Variants in FSIP2 observed in about 807,000 individuals in gnomAD.
FSIP2 encodes fibrous sheath interacting protein 2.
A neutral mutation model predicts 510.5 loss-of-function variants in FSIP2; 367 were observed. The ratio of observed to expected loss-of-function variants is 0.72; its 90% CI spans 0.66 to 0.78. The LOEUF is 0.78. Ranked by LOEUF, FSIP2 falls within the 30% of genes least tolerant of loss-of-function variation. The pLI is 0.00. For synonymous variants in FSIP2, 2,601 were observed against 2,732.2 expected (o/e 0.95, Z 1.50); for missense variants, 7,594 against 7,901.7 (o/e 0.96, Z 1.48).
intron 9 of FSIP2, among the ~76,000 whole-genome samples, chr2:185,759,587 AATT>A (rs1222888692): frequency 1.9e-5 from 2 of 106,314 alleles, no homozygotes; most frequent in South Asian, 3.5e-4. Context: ...TTTATGATAT[AATT>A]ATGATTACTA....
chr2:185,802,394 T>C lies in FSIP2; in HGVS notation c.13088T>C (p.Phe4363Ser), dbSNP rs7605884. Reference protein sequence around the residue: ...ILYDDKEQAFFSFNTDIVDEL... With the variant: ...ILYDDKEQAFSSFNTDIVDEL... ...TATGATGACAAAGAACAGGCTTTCT[T>C]TTCTTTCAATACAGATATTGTGGAT... The change falls in exon 17 of 23, where the codon TTT becomes TCT. Residue 4363 changes from phenylalanine to serine, a missense_variant. Coordinates refer to ENST00000424728, the MANE Select transcript of FSIP2 (RefSeq NM_173651.4). 0.54 allele frequency: 830,967 copies of C among 1,531,538 alleles called. 226,962 individuals carry two copies. Among genetic ancestry groups the C allele is most frequent in the South Asian group, 0.64 (53,542 of 83,668 alleles). 94.9% of individuals were successfully genotyped at this position (1,531,538 alleles called of 1,614,324 possible).
chr2:185,788,766 C>A lies in FSIP2; in HGVS notation c.1630C>A (p.Pro544Thr). ...AAAAAGATTGCAAAATAATACATAC[C>A]CAGTATCTGATGACTCCATCCTCTC... ...YEKRLQNNTY[P>T]VSDDSILSSD... is the part of the protein sequence containing the mutation. The change falls in exon 16 of 23, where the codon CCA becomes ACA. Residue 544 changes from proline (P) to threonine (T), a missense_variant. By Grantham distance (38) the Pro-to-Thr change is conservative. Transcript: ENST00000424728. The A allele has an allele frequency of 1.3e-6, 2 of 1,534,236 alleles. No homozygotes were observed. Among genetic ancestry groups the A allele is most frequent in the Non-Finnish European group, 1.7e-6 (2 of 1,145,620 alleles).
Position 185,802,901 on chromosome 2 carries a change from A to G in FSIP2, c.13595A>G (p.Lys4532Arg), listed in dbSNP as rs1693473422. ...TTTTCAAAAGAGGAAGAAGAAACCA[A>G]GTTTATTTATTCAGAAGATGATATT... ...IRFSKEEEET[K>R]FIYSEDDIQH... Residue 4532 changes from lysine to arginine, a missense_variant, in exon 17 of 23, where the codon AAG (lysine) becomes AGG (arginine). Coordinates refer to ENST00000424728, the MANE Select transcript of FSIP2 (RefSeq NM_173651.4). The G allele has an allele frequency of 6.7e-7, 1 of 1,498,160 alleles. No homozygotes were observed. The highest frequency in any genetic ancestry group is 8.8e-7 in the Non-Finnish European group (1 of 1,132,466). The allele number at this position is 1,498,160 out of a possible 1,614,324, so 92.8% of individuals were successfully genotyped here.
rs1693776431 is a variant in FSIP2, at chr2:185,813,549, T to C, written c.19832T>C (p.Val6611Ala). The change falls in exon 18 of 23, where the codon GTT becomes GCT. Residue 6611 changes from valine to alanine, a missense_variant. Coordinates refer to ENST00000424728, the MANE Select transcript of FSIP2 (RefSeq NM_173651.4). ...GRLDVKPLEA[V>A]ARNSFQNIRK... ...TTGCTATACCTTTAATTTCAGGCCG[T>C]TGCTAGAAATTCATTTCAGAATATA... 4 of 1,519,108 alleles carry C rather than the reference T, an allele frequency of 2.6e-6. No individual in the cohort carries two copies. Among genetic ancestry groups the C allele is most frequent in the Non-Finnish European group, 3.5e-6 (4 of 1,135,564 alleles). 94.1% of individuals were successfully genotyped at this position (1,519,108 alleles called of 1,614,324 possible). A position where few individuals can be genotyped will look rare whatever the true frequency, so the allele number is the denominator to read the frequency against.
Position 185,805,713 on chromosome 2 carries a change from G to T in FSIP2, c.16407G>T (p.Met5469Ile), listed in dbSNP as rs769494599. The stretch of plus-strand genomic sequence containing the variant: ...CTTTGGAAATAAATAGAGGTACAAT[G>T]AATAGAAAGAAAAGTTTTAAAACCA... ...MSTLEINRGT[M>I]NRKKSFKTKD... The change falls in exon 17 of 23, where the codon ATG becomes ATT. Residue 5469 changes from methionine (M) to isoleucine (I), a missense_variant. Transcript: ENST00000424728. 26 of 1,607,434 alleles carry T rather than the reference G, an allele frequency of 1.6e-5. No individual in the cohort carries two copies. The highest frequency in any genetic ancestry group is 1.7e-4 in the Middle Eastern group (1 of 6,032).
chr2:185,808,169 T>C lies in FSIP2; in HGVS notation c.18863T>C (p.Leu6288Ser), dbSNP rs1420674717. The C allele has an allele frequency of 1.9e-6, 3 of 1,611,546 alleles. No individual in the cohort carries two copies. Among genetic ancestry groups the C allele is most frequent in the Non-Finnish European group, 2.5e-6 (3 of 1,178,950 alleles). ...GTCCTCTCTGATACAATAGGCTTTTTAATGGTGAATGCAATTTCGAATTCT... is the reference window on the plus strand; with the variant it reads ...GTCCTCTCTGATACAATAGGCTTTTCAATGGTGAATGCAATTTCGAATTCT... ...SNVLSDTIGFLMVNAISNSEF... is the reference protein window; with the variant it reads ...SNVLSDTIGFSMVNAISNSEF... Residue 6288 changes from leucine (L) to serine (S), a missense_variant, in exon 17 of 23, where the codon TTA becomes TCA. Transcript: ENST00000424728.
At chr2:185,782,658 GC>G in intron 13 of FSIP2, 46 bp from the exon 14 acceptor site, 1 of 1,114,810 alleles carries the variant, frequency 9.0e-7, no homozygotes, top group South Asian at 1.3e-5. Flanking sequence ...TTAGCAAGTT[GC>G]TGAGGATGGA....
At chr2:185,785,617 T>C (rs1215118219) in intron 14 of FSIP2, among the ~76,000 whole-genome samples, 1 of 152,078 alleles carries the variant, frequency 6.6e-6, no homozygotes, top group African/African-American at 2.4e-5. Context: ...TTTTTTGCAA[T>C]TTAGAAAACT....
At chr2:185,829,844 C>A (rs188456399) in intron 21 of FSIP2, among the ~76,000 whole-genome samples, 13 of 151,942 alleles carry the variant, frequency 8.6e-5, no homozygotes, top group Admixed American at 7.2e-4. Flanking sequence ...AGCCATAGAA[C>A]TAGAAAAGGG....
chr2:185,745,001 G>A (rs568877482), intron 4 of FSIP2: 1 of 154,132 alleles, frequency 6.5e-6, no homozygotes, highest in Admixed American at 6.5e-5. Context: ...GTGTGTGTTT[G>A]TGTGAATTCA....
At chr2:185,768,864 T>C (rs960014461) in intron 13 of FSIP2, among the ~76,000 whole-genome samples, 4 of 152,176 alleles carry the variant, frequency 2.6e-5, no homozygotes, top group African/African-American at 9.7e-5. Context: ...CTCCCACTTA[T>C]AAGTGAGAAC....
chr2:185,828,299 A>G (rs533854345), intron 21 of FSIP2, 100 bp downstream of exon 21: 2 of 705,502 alleles, frequency 2.8e-6, no homozygotes, highest in South Asian at 3.5e-5. Context: ...TATGATTTGA[A>G]GGATATCAGA....
upstream of FSIP2, among the ~76,000 whole-genome samples, chr2:185,737,611 A>G (rs1691810353): frequency 6.6e-6 from 1 of 152,184 alleles, no homozygotes; most frequent in Admixed American, 6.5e-5. Context: ...ATCTAGAAGC[A>G]TTCCTTAGTT....
At chr2:185,749,157 C>T (rs1349409349) in intron 7 of FSIP2, among the ~76,000 whole-genome samples, 2 of 151,870 alleles carry the variant, frequency 1.3e-5, no homozygotes, top group African/African-American at 2.4e-5. Flanking sequence ...TAAATTATAG[C>T]ATCAGCTTAT....
intron 15 of FSIP2, 148 bp from the exon 16 acceptor site, chr2:185,788,495 C>CTTA (rs1419464271): frequency 2.0e-6 from 1 of 512,034 alleles, no homozygotes; most frequent in Admixed American, 3.8e-5. Context: ...AATTTCTAAA[C>CTTA]TGATATTTCT....
Position 185,793,432 on chromosome 2 carries a change from G to T in FSIP2, c.6296G>T (p.Cys2099Phe). The change falls in exon 16 of 23, where the codon TGT becomes TTT. Residue 2099 changes from cysteine (C) to phenylalanine (F), a missense_variant. Transcript: ENST00000424728. ...CAAGATACCATTGAAGGTATCCTAT[G>T]TGATATTTATGAAAAAACCCTGTTT... ...QIQDTIEGIL[C>F]DIYEKTLFQN... 6.5e-7 allele frequency: 1 copy of T among 1,534,066 alleles called. No individual in the cohort carries two copies. Among genetic ancestry groups the T allele is most frequent in the Non-Finnish European group, 8.7e-7 (1 of 1,145,466 alleles).
At position 185,789,724 on chromosome 2, in the gene FSIP2, T is replaced by A; in HGVS notation, c.2588T>A (p.Met863Lys). Residue 863 changes from methionine to lysine, a missense_variant, in exon 16 of 23, where the codon ATG (methionine) becomes AAG (lysine). Transcript: ENST00000424728. ...CAACATAAGACAGACCCAATATGTA[T>A]GTTCCTTCAAAGAGCTGGCAAAAAT... ...CQQHKTDPIC[M>K]FLQRAGKNKS... 1 of 1,534,488 alleles carries A rather than the reference T, an allele frequency of 6.5e-7. No individual in the cohort carries two copies. Among genetic ancestry groups the A allele is most frequent in the Non-Finnish European group, 8.7e-7 (1 of 1,145,776 alleles).
At position 185,749,453 on chromosome 2, in the gene FSIP2, C is replaced by A. The variant is rs558584850; in HGVS notation, c.870+2030C>A. Among the ~76,000 whole-genome samples, 93 of 151,978 alleles carry A rather than the reference C, an allele frequency of 6.1e-4. 2 individuals are homozygous for A. In the South Asian group the frequency reaches 0.018, roughly 29 times the overall value. On this transcript the variant is annotated intron_variant, in intron 7 of 22. Coordinates refer to ENST00000424728, the MANE Select transcript of FSIP2 (RefSeq NM_173651.4). ...AATTTCAAACTTTGAATACTTAATGCTAGCATTTAGAAAAACATCTGATTT... is the reference window on the plus strand; with the variant it reads ...AATTTCAAACTTTGAATACTTAATGATAGCATTTAGAAAAACATCTGATTT...
intron 13 of FSIP2, among the ~76,000 whole-genome samples, chr2:185,774,464 C>T (rs1171620257): frequency 6.6e-6 from 1 of 151,818 alleles, no homozygotes; most frequent in Non-Finnish European, 1.5e-5. Flanking sequence ...TATTGTGATT[C>T]CTGTTTTCCA....
Sources: allele counts gnomAD v4.1 joint callset (sites outside exome capture counted in the v4.1 genomes callset), GRCh38; gene constraint gnomAD v4.1.1; transcripts MANE v1.5; gene names NCBI Gene and HGNC (gene_info 2026-07-23, HGNC 2026-07-21).